The following DNMBP variants were observed in gnomAD, a reference collection of about 807,000 sequenced individuals.
DNMBP encodes the protein dynamin-binding protein.
DNMBP carries 87 observed loss-of-function variants against 150.0 expected under a neutral mutation model. The observed-to-expected ratio is 0.58, with a 90% CI of 0.49 to 0.69. The LOEUF is 0.69. Ranked by LOEUF, DNMBP falls within the 30% of genes least tolerant of loss-of-function variation. The pLI, the probability that DNMBP is intolerant of heterozygous loss-of-function variation, is 0.00. For synonymous variants in DNMBP, 711 were observed against 750.4 expected, an observed-to-expected ratio of 0.95 and a Z score of 0.86; for missense variants, 1,774 against 1,949.0, an observed-to-expected ratio of 0.91 and a Z score of 1.69.
At position 99,908,078 on chromosome 10, in the gene DNMBP, A is replaced by G; in HGVS notation, c.2471T>C (p.Phe824Ser). Residue 824 changes from phenylalanine to serine, a missense_variant, in exon 6 of 17, where the codon TTT becomes TCT. Around this residue, in one of 2 missense-constraint regions of DNMBP, gnomAD observed 1,430 missense variants for 1,492.5 expected, o/e 0.96. Transcript: ENST00000324109. ...MQQAQVPNID[F>S]EGLFGNMQMV... ...CTGCATATTTCCAAAAAGTCCCTCA[A>G]AATCAATGTTTGGTACCTGAGAAAA... The G allele has an allele frequency of 2.5e-6, 4 of 1,613,512 alleles. No individual in the cohort carries two copies. Among genetic ancestry groups the G allele is most frequent in the Non-Finnish European group, 3.4e-6 (4 of 1,179,482 alleles).
At chr10:99,930,802 T>C (rs2040146893) in intron 4 of DNMBP, 1 of 624,180 alleles carries the variant, frequency 1.6e-6, no homozygotes, top group Non-Finnish European at 2.8e-6. Flanking sequence ...ACTATTCTTT[T>C]CCATGGGCCT....
chr10:99,994,703 A>AGAG (rs2040933047), intron 1 of DNMBP, among the ~76,000 whole-genome samples: 2 of 152,236 alleles, frequency 1.3e-5, no homozygotes, highest in Admixed American at 6.5e-5. Context: ...CAGGAATAGA[A>AGAG]GAGGGATATG....
Position 99,955,621 on chromosome 10 carries a change from G to A in DNMBP, c.1853C>T (p.Pro618Leu), listed in dbSNP as rs777776503. The stretch of plus-strand genomic sequence containing the variant: ...CAGCAAATGGGGAGAAGTGGATACC[G>A]GAGTACAGGGACGAGGTGGCGGTGG... ...LRPPPPRPCT[P>L]VSTSPHLLVD... Residue 618 changes from proline (P) to leucine (L), a missense_variant, in exon 4 of 17, where the codon CCG (proline) becomes CTG (leucine). Physicochemically the swap from Pro to Leu is moderately conservative, Grantham distance 98. Around this residue, in one of 2 missense-constraint regions of DNMBP, gnomAD observed 1,430 missense variants for 1,492.5 expected, o/e 0.96. Transcript: ENST00000324109. 43 of 1,614,202 alleles carry A rather than the reference G, an allele frequency of 2.7e-5. No individual in the cohort carries two copies. Among genetic ancestry groups the A allele is most frequent in the Middle Eastern group, 1.7e-4 (1 of 6,060 alleles).
chr10:99,964,885 AAT>A (rs67147502), intron 3 of DNMBP, among the ~76,000 whole-genome samples: 34,682 of 135,518 alleles, frequency 0.26, 4,398 homozygotes, highest in Non-Finnish European at 0.29. Context: ...AAAAAAAAAA[AAT>A]ATATATATAT....
intron 11 of DNMBP, 143 bp downstream of exon 11, chr10:99,894,803 C>A: frequency 1.6e-6 from 1 of 610,414 alleles, no homozygotes; most frequent in Non-Finnish European, 2.9e-6. Context: ...AACCTACTGG[C>A]ATCTCAACAA....
chr10:99,929,822 C>T, intron 4 of DNMBP: 2 of 702,938 alleles, frequency 2.8e-6, no homozygotes, highest in South Asian at 1.5e-5. Context: ...GCAGACCATC[C>T]AGAAGGATCC....
intron 16 of DNMBP, among the ~76,000 whole-genome samples, chr10:99,878,179 C>T (rs1353390743): frequency 3.9e-5 from 6 of 152,296 alleles, no homozygotes; most frequent in African/African-American, 1.4e-4. Flanking sequence ...ACCTCCAACA[C>T]AAATTATGAA....
chr10:99,993,584 T>C (rs1471011295), intron 1 of DNMBP, among the ~76,000 whole-genome samples: 1 of 152,160 alleles, frequency 6.6e-6, no homozygotes, highest in East Asian at 1.9e-4. Context: ...GTTGGATCAC[T>C]TGAGGCCAGG....
intron 1 of DNMBP, among the ~76,000 whole-genome samples, chr10:99,980,359 A>G (rs1440526894): frequency 6.6e-6 from 1 of 152,034 alleles, no homozygotes; most frequent in Non-Finnish European, 1.5e-5. Context: ...AGGCAGGAGA[A>G]TCGTTTGAAC....
chr10:99,948,992 A>ATAAG (rs2040390635), intron 4 of DNMBP, among the ~76,000 whole-genome samples: 1 of 151,184 alleles, frequency 6.6e-6, no homozygotes, highest in East Asian at 1.9e-4. Flanking sequence ...AAATAAATAA[A>ATAAG]TAAATAAATA....
intron 4 of DNMBP, among the ~76,000 whole-genome samples, chr10:99,939,760 C>T (rs2040273854): frequency 6.6e-6 from 1 of 152,244 alleles, no homozygotes; most frequent in Admixed American, 6.5e-5. Flanking sequence ...CCGCAATCAC[C>T]CCTGCAGATA....
At chr10:99,990,672 TACATATATACACACATATATATACACAC>T (rs1356675639) in intron 1 of DNMBP, among the ~76,000 whole-genome samples, 1 of 149,044 alleles carries the variant, frequency 6.7e-6, no homozygotes, top group Non-Finnish European at 1.5e-5. Flanking sequence ...TACACACATA[TACATATATACACACATATATATACACAC>T]ACATATATAC....
chr10:99,952,972 G>A (rs919002406), intron 4 of DNMBP, among the ~76,000 whole-genome samples: 7 of 152,082 alleles, frequency 4.6e-5, no homozygotes, highest in African/African-American at 9.7e-5. Context: ...TGACACATAA[G>A]TTCAAATCTC....
In DNMBP at chr10:99,923,386, C is replaced by CAAA. The variant is rs199869236; in HGVS notation, c.2261-14243_2261-14241dup. Among the ~76,000 whole-genome samples the CAAA allele has an allele frequency of 9.2e-3, 994 of 108,490 alleles. 10 individuals carry two copies. Among genetic ancestry groups the CAAA allele is most frequent in the African/African-American group, 0.037 (945 of 25,630 alleles). 71.2% of individuals were successfully genotyped at this position (108,490 alleles called of 152,430 possible). A position where few individuals can be genotyped will look rare whatever the true frequency, so the allele number is the denominator to read the frequency against. On this transcript the variant is annotated intron_variant, in intron 4 of 16. Transcript: ENST00000324109. ...GGTCAAAAGAGTGAGAGTCCGTCTC[C>CAAA]AAAAAAAATAATAATAAAATTCTGA... is the stretch of plus-strand genomic sequence containing the variant.
At chr10:99,917,824 C>T (rs1328275081) in intron 4 of DNMBP, among the ~76,000 whole-genome samples, 5 of 151,776 alleles carry the variant, frequency 3.3e-5, no homozygotes, top group East Asian at 1.9e-4. Context: ...ATTAGCTGGG[C>T]GCAGTGGTGC....
At chr10:99,890,322 A>T (rs2039537550) in intron 11 of DNMBP, among the ~76,000 whole-genome samples, 1 of 152,174 alleles carries the variant, frequency 6.6e-6, no homozygotes, top group African/African-American at 2.4e-5. Flanking sequence ...GCTGTTAGTC[A>T]ATCTAATTTT....
At chr10:99,942,428 T>C (rs757173344) in intron 4 of DNMBP, among the ~76,000 whole-genome samples, 2 of 152,188 alleles carry the variant, frequency 1.3e-5, no homozygotes, top group Non-Finnish European at 2.9e-5. Flanking sequence ...TGGGTCTTAT[T>C]ACATCTGGTA....
At chr10:99,884,575 C>T (rs576527860) in intron 14 of DNMBP, among the ~76,000 whole-genome samples, 1 of 152,144 alleles carries the variant, frequency 6.6e-6, no homozygotes, top group South Asian at 2.1e-4. Flanking sequence ...ATCTTGACTT[C>T]CCCACCTGTG....
intron 3 of DNMBP, among the ~76,000 whole-genome samples, chr10:99,964,703 T>A (rs1264459650): frequency 6.6e-6 from 1 of 151,512 alleles, no homozygotes; most frequent in African/African-American, 2.4e-5. Context: ...AAACCCTGTC[T>A]CTACTAAAAA....
Sources: allele counts gnomAD v4.1 joint callset (sites outside exome capture counted in the v4.1 genomes callset), GRCh38; gene constraint gnomAD v4.1.1; regional missense constraint gnomAD v4.1.1; transcripts MANE v1.5; gene names NCBI Gene and HGNC (gene_info 2026-07-23, HGNC 2026-07-21).